CTSK: variants seen among roughly 807,000 people sequenced by gnomAD.
CTSK encodes cathepsin O.
Under a neutral mutation model 40.5 loss-of-function variants are expected in CTSK, and 26 were observed. The observed-to-expected ratio is 0.64, with a 90% confidence interval of 0.47 to 0.89. The LOEUF is 0.89. Among genes scored for constraint, CTSK ranks in the 40% least tolerant of loss-of-function variants. The pLI is 0.00. For synonymous variants in CTSK, 132 were observed against 143.2 expected (o/e 0.92, Z 0.56); for missense variants, 292 against 400.1 (o/e 0.73, Z 2.30).
At chr1:150,807,004 T>TC (rs879450713) in intron 1 of CTSK, among the ~76,000 whole-genome samples, 198 bp from the exon 2 acceptor site, 2,961 of 148,588 alleles carry the variant, frequency 0.02, 50 homozygotes, top group Non-Finnish European at 0.029. Flanking sequence ...CATTTCTCTC[T>TC]TTCTCTCTCT....
chr1:150,804,186 T>C lies in CTSK; in HGVS notation c.453A>G (p.Gln151=), dbSNP rs201253014. 1.2e-6 allele frequency: 2 copies of C among 1,614,046 alleles called. No homozygotes were observed. The highest frequency in any genetic ancestry group is 8.5e-7 in the Non-Finnish European group (1 of 1,180,036). Residue 151 remains glutamine (Q), a synonymous_variant, in exon 5 of 8, where the codon CAA becomes CAG. Coordinates refer to ENST00000271651, the MANE Select transcript of CTSK (RefSeq NM_000396.4). ...AFSSVGALEG[Q]LKKKTGKLLN... is the part of the protein sequence containing the mutation. ...AGAGTTTGCCAGTTTTCTTCTTGAG[T>C]TGGCCCTCCAGGGCACCCACAGAGC...
chr1:150,796,858 C>G lies in CTSK; in HGVS notation c.931G>C (p.Ala311Pro), dbSNP rs1245231987. The change falls in exon 8 of 8, where the codon GCT (alanine) becomes CCT (proline). Residue 311 changes from alanine to proline, a missense_variant. Transcript: ENST00000271651. ...NWGNKGYILM[A>P]RNKNNACGIA... is the part of the protein sequence containing the mutation. ...CCACAGGCGTTGTTCTTATTTCGAGCCATGAGGATATATCCTTTGTTTCCC... is the reference window on the plus strand; with the variant it reads ...CCACAGGCGTTGTTCTTATTTCGAGGCATGAGGATATATCCTTTGTTTCCC... The G allele has an allele frequency of 6.2e-7, 1 of 1,614,074 alleles. No individual in the cohort carries two copies. Among genetic ancestry groups the G allele is most frequent in the Non-Finnish European group, 8.5e-7 (1 of 1,179,984 alleles).
rs1273879735 is a variant in CTSK, at chr1:150,804,208, G to A, written c.431C>T (p.Ser144Phe). The A allele has an allele frequency of 1.2e-6, 2 of 1,614,194 alleles. No individual in the cohort carries two copies. The highest frequency in any genetic ancestry group is 8.5e-7 in the Non-Finnish European group (1 of 1,180,018). The part of the protein sequence containing the change: ...GQCGSCWAFS[S>F]VGALEGQLKK... The stretch of plus-strand genomic sequence containing the variant: ...GAGTTGGCCCTCCAGGGCACCCACA[G>A]AGCTAAAAGCCCAACAGGAACCACA... Residue 144 changes from serine to phenylalanine, a missense_variant, in exon 5 of 8, where the codon TCT (serine) becomes TTT (phenylalanine). Physicochemically the swap from Ser to Phe is radical, Grantham distance 155. Coordinates refer to ENST00000271651, the MANE Select transcript of CTSK (RefSeq NM_000396.4).
At chr1:150,804,525 G>A (rs587734001) in intron 4 of CTSK, among the ~76,000 whole-genome samples, 3 of 152,260 alleles carry the variant, frequency 2.0e-5, no homozygotes, top group East Asian at 1.9e-4. Context: ...ATGTGACCCC[G>A]GGTAAGTTAC....
intron 1 of CTSK, among the ~76,000 whole-genome samples, chr1:150,807,076 TCTCTCACACACACACACACA>T (rs1412433083): frequency 2.7e-5 from 1 of 36,414 alleles, no homozygotes; most frequent in Non-Finnish European, 7.8e-5. Context: ...TGTCTCTCTC[TCTCTCACACACACACACACA>T]CACACACACA....
Position 150,805,878 on chromosome 1 carries a change from T to G in CTSK, c.382A>C (p.Thr128Pro). The G allele has an allele frequency of 6.2e-7, 1 of 1,613,802 alleles. No individual in the cohort carries two copies. ...GAGAGTACCTGATTTTTGACAGGAG[T>G]AACATATCCTTTCTTTCGATAGTCG... The part of the protein sequence containing the change: ...SVDYRKKGYV[T>P]PVKNQGQCGS... Residue 128 changes from threonine to proline, a missense_variant, in exon 4 of 8, where the codon ACT becomes CCT. Transcript: ENST00000271651.
chr1:150,796,826 G>A lies in CTSK; in HGVS notation c.963C>T (p.Ala321=), dbSNP rs765168635. 1 of 1,614,006 alleles carries A rather than the reference G, an allele frequency of 6.2e-7. No individual in the cohort carries two copies. Among genetic ancestry groups the A allele is most frequent in the Non-Finnish European group, 8.5e-7 (1 of 1,179,870 alleles). Reference sequence around the variant, plus strand: ...ACATCTTGGGGAAGCTGGCCAGGTTGGCAATGCCACAGGCGTTGTTCTTAT... The same window carrying A: ...ACATCTTGGGGAAGCTGGCCAGGTTAGCAATGCCACAGGCGTTGTTCTTAT... ...ARNKNNACGI[A]NLASFPKM The change falls in exon 8 of 8, where the codon GCC becomes GCT. Residue 321 remains alanine, a synonymous_variant. Transcript: ENST00000271651.
intron 1 of CTSK, chr1:150,807,220 T>G (rs201577457): frequency 3.4e-4 from 159 of 473,192 alleles, no homozygotes; most frequent in Non-Finnish European, 5.6e-4. Context: ...GACAGACAAA[T>G]AGCAAGGTGG....
chr1:150,805,553 C>T (rs1039773771), intron 4 of CTSK, among the ~76,000 whole-genome samples: 4 of 144,564 alleles, frequency 2.8e-5, no homozygotes, highest in East Asian at 2.1e-4. Context: ...GCAGGAGAAT[C>T]GCTTGAACCC....
At chr1:150,802,343 A>G (rs1233635914) in intron 5 of CTSK, among the ~76,000 whole-genome samples, 2 of 151,186 alleles carry the variant, frequency 1.3e-5, no homozygotes, top group Non-Finnish European at 2.9e-5. Flanking sequence ...GCACTTTGGG[A>G]GGTGGGAGGA....
In CTSK at chr1:150,799,157, C is replaced by G. The variant is rs200368172; in HGVS notation, c.890+11G>C. 6.5e-7 allele frequency: 1 copy of G among 1,538,550 alleles called. No homozygotes were observed. The highest frequency in any genetic ancestry group is 2.2e-5 in the East Asian group (1 of 44,492). On this transcript the variant is annotated intron_variant, in intron 7 of 7. Transcript: ENST00000271651. ...GTGACTGAATAACAAAAGTAGTGTT[C>G]CCATCATTACCTGTTTTTAATTATC... is the stretch of plus-strand genomic sequence containing the variant.
At chr1:150,807,287 C>G in intron 1 of CTSK, 1 of 471,728 alleles carries the variant, frequency 2.1e-6, no homozygotes, top group South Asian at 1.5e-5. Context: ...GCCTCCTGAT[C>G]ATTTCTTCGA....
At chr1:150,803,511 TGA>T (rs1202811099) in intron 5 of CTSK, among the ~76,000 whole-genome samples, 2 of 152,214 alleles carry the variant, frequency 1.3e-5, no homozygotes, top group Non-Finnish European at 2.9e-5. Flanking sequence ...CTTTCAGATA[TGA>T]TTTCCTTCCT....
chr1:150,798,473 G>C (rs1653916186), intron 7 of CTSK, among the ~76,000 whole-genome samples: 1 of 152,188 alleles, frequency 6.6e-6, no homozygotes, highest in Non-Finnish European at 1.5e-5. Flanking sequence ...AGTTAGGTCT[G>C]TCTTATTGGG....
At chr1:150,804,736 C>T (rs1654053772) in intron 4 of CTSK, among the ~76,000 whole-genome samples, 2 of 152,074 alleles carry the variant, frequency 1.3e-5, no homozygotes, top group South Asian at 2.1e-4. Context: ...CCTGAGGACA[C>T]AGGTTGTGTC....
rs587764536 is a variant in CTSK, at chr1:150,796,344, T to C, written c.*455A>G. On this transcript the variant is annotated 3_prime_UTR_variant, in exon 8 of 8. Transcript: ENST00000271651. ...TACCAAAGACTTATGAATAGATTTA[T>C]GAATTGGAGTAGAAAACATAGACAT... The C allele has an allele frequency of 5.1e-6, 1 of 196,622 alleles. No homozygotes were observed. Among genetic ancestry groups the C allele is most frequent in the East Asian group, 1.2e-4 (1 of 8,070 alleles). 12.2% of individuals were successfully genotyped at this position (196,622 alleles called of 1,614,324 possible).
Position 150,796,551 on chromosome 1 carries a change from T to C in CTSK, c.*248A>G. The C allele has an allele frequency of 1.7e-6, 1 of 593,188 alleles. No homozygotes were observed. Among genetic ancestry groups the C allele is most frequent in the Non-Finnish European group, 3.0e-6 (1 of 331,436 alleles). The allele number at this position is 593,188 out of a possible 1,614,324, so 36.7% of individuals were successfully genotyped here. On this transcript the variant is annotated 3_prime_UTR_variant, in exon 8 of 8. Transcript: ENST00000271651. Reference sequence around the variant, plus strand: ...CAGTCAGGGGCAGGCTGTAGTCACATCTCTTAGCCTAAGAGTACACAGCTG... The same window carrying C: ...CAGTCAGGGGCAGGCTGTAGTCACACCTCTTAGCCTAAGAGTACACAGCTG...
At chr1:150,797,512 T>C (rs924102693) in intron 7 of CTSK, among the ~76,000 whole-genome samples, 1 of 152,022 alleles carries the variant, frequency 6.6e-6, no homozygotes, top group Non-Finnish European at 1.5e-5. Flanking sequence ...GTAAACCCCA[T>C]AGGAGAGATG....
At position 150,806,239 on chromosome 1, in the gene CTSK, G is replaced by A; in HGVS notation, c.121-15C>T. ...ATTTCATCCACCTAAACAAAGCATA[G>A]TCAGTACTTGTATAGACTGTCTACA... On this transcript the variant is annotated splice_polypyrimidine_tract_variant and intron_variant, in intron 2 of 7. Coordinates refer to ENST00000271651, the MANE Select transcript of CTSK (RefSeq NM_000396.4). 6.2e-7 allele frequency: 1 copy of A among 1,613,544 alleles called. No homozygotes were observed. Among genetic ancestry groups the A allele is most frequent in the Non-Finnish European group, 8.5e-7 (1 of 1,179,742 alleles).
Sources: gnomAD v4.1 joint callset for allele counts (sites outside exome capture counted in the v4.1 genomes callset) on GRCh38, gnomAD v4.1.1 for gene constraint, MANE v1.5 for transcripts, NCBI Gene and HGNC (gene_info 2026-07-23, HGNC 2026-07-21) for gene names.